The following CDH8 variants were observed in gnomAD, a reference collection of about 807,000 sequenced individuals.
CDH8 encodes cadherin 8.
Under a neutral mutation model 68.1 loss-of-function variants are expected in CDH8, and 17 were observed. The observed-to-expected ratio is 0.25, with a 90% CI of 0.17 to 0.37. The LOEUF (loss-of-function observed/expected upper bound fraction) is 0.37, where lower values mean the gene tolerates loss of function less well. CDH8 is among the 10% of genes least tolerant of loss of function. The pLI, the probability that CDH8 is intolerant of heterozygous loss-of-function variation, is 1.00. For missense variants in CDH8, 763 were observed against 999.3 expected (o/e 0.76, Z 3.19); for synonymous variants, 372 against 365.1 (o/e 1.02, Z -0.21).
chr16:61,710,089 G>T (rs188928183), intron 10 of CDH8, among the ~76,000 whole-genome samples: 1 of 152,224 alleles, frequency 6.6e-6, no homozygotes, highest in Admixed American at 6.5e-5. Context: ...AAGGGACCTC[G>T]TCCCACTTAT....
At chr16:61,887,778 T>C (rs1963702212) in intron 3 of CDH8, among the ~76,000 whole-genome samples, 1 of 152,140 alleles carries the variant, frequency 6.6e-6, no homozygotes, top group African/African-American at 2.4e-5. Context: ...CATTTTTTAC[T>C]GTAAAAAATG....
intron 2 of CDH8, among the ~76,000 whole-genome samples, chr16:61,917,101 G>A (rs961468997): frequency 7.2e-6 from 1 of 139,568 alleles, no homozygotes; most frequent in Non-Finnish European, 1.5e-5. Flanking sequence ...GTGTGTGTGT[G>A]TGTGTATGAT....
chr16:61,681,697 C>A (rs556861097), intron 10 of CDH8, among the ~76,000 whole-genome samples: 1 of 151,890 alleles, frequency 6.6e-6, no homozygotes, highest in South Asian at 2.1e-4. Flanking sequence ...AAAAATCTTA[C>A]TTAAAATTTT....
intron 9 of CDH8, chr16:61,726,507 T>C (rs1567442138): frequency 6.6e-6 from 1 of 150,564 alleles, no homozygotes; most frequent in Non-Finnish European, 1.5e-5. Flanking sequence ...CTCACTTTCT[T>C]TATGTTTCTT....
intron 10 of CDH8, among the ~76,000 whole-genome samples, chr16:61,657,899 G>A (rs1289422302): frequency 1.3e-5 from 2 of 152,032 alleles, no homozygotes; most frequent in African/African-American, 4.8e-5. Flanking sequence ...GCATTGGTGG[G>A]TCTAACACTA....
chr16:61,953,268 T>A (rs769604117), intron 2 of CDH8, among the ~76,000 whole-genome samples: 2 of 152,180 alleles, frequency 1.3e-5, no homozygotes, highest in African/African-American at 4.8e-5. Flanking sequence ...GAGAACTATA[T>A]AAATTAATAC....
At position 61,662,462 on chromosome 16, in the gene CDH8, A is replaced by G. The variant is rs376102294; in HGVS notation, c.1655-6741T>C. Among the ~76,000 whole-genome samples, 5 of 151,892 alleles carry G rather than the reference A, an allele frequency of 3.3e-5. No homozygotes were observed. In the East Asian group the frequency reaches 9.7e-4, roughly 30 times the overall value. The stretch of plus-strand genomic sequence containing the variant: ...AAAAAAGAGAGGAAATGATCACTGA[A>G]TCCATAGTTACATACTACATTATTT... On this transcript the variant is annotated intron_variant, in intron 10 of 11. Coordinates refer to ENST00000577390, the MANE Select transcript of CDH8 (RefSeq NM_001796.5).
At chr16:61,969,673 G>A (rs1057473843) in intron 2 of CDH8, among the ~76,000 whole-genome samples, 4 of 152,122 alleles carry the variant, frequency 2.6e-5, no homozygotes, top group South Asian at 2.1e-4. Context: ...CTGGACAACC[G>A]GTGGAATAAG....
At chr16:61,900,512 T>C (rs1056174576) in intron 3 of CDH8, among the ~76,000 whole-genome samples, 1 of 152,170 alleles carries the variant, frequency 6.6e-6, no homozygotes, top group South Asian at 2.1e-4. Flanking sequence ...GGTTTAGGGA[T>C]AGATAAGCAG....
chr16:61,824,782 T>C (rs1962291795), intron 5 of CDH8, among the ~76,000 whole-genome samples: 1 of 151,914 alleles, frequency 6.6e-6, no homozygotes, highest in Admixed American at 6.6e-5. Context: ...CAGTCAGACA[T>C]ACTGGTTCTA....
At chr16:61,971,973 A>T (rs1965347749) in intron 2 of CDH8, among the ~76,000 whole-genome samples, 1 of 152,242 alleles carries the variant, frequency 6.6e-6, no homozygotes, top group Non-Finnish European at 1.5e-5. Flanking sequence ...GTAAGAAAAA[A>T]ATAAACAAAA....
chr16:61,831,060 G>C (rs1962444125), intron 4 of CDH8, among the ~76,000 whole-genome samples: 1 of 151,710 alleles, frequency 6.6e-6, no homozygotes, highest in Non-Finnish European at 1.5e-5. Flanking sequence ...ATTTTGAGAA[G>C]GAAAAATCAC....
intron 8 of CDH8, among the ~76,000 whole-genome samples, chr16:61,739,469 A>G (rs1434236142): frequency 6.6e-6 from 1 of 152,068 alleles, no homozygotes; most frequent in East Asian, 1.9e-4. Flanking sequence ...TCAGATCAAA[A>G]TGAAGATTTT....
At chr16:61,864,511 T>C (rs981900044) in intron 3 of CDH8, among the ~76,000 whole-genome samples, 2 of 152,186 alleles carry the variant, frequency 1.3e-5, no homozygotes, top group East Asian at 1.9e-4. Context: ...TCAACATTCA[T>C]TTCTCTTGAA....
chr16:61,745,985 T>A (rs1960011337), intron 8 of CDH8, among the ~76,000 whole-genome samples: 1 of 152,096 alleles, frequency 6.6e-6, no homozygotes. Context: ...ATAGATCAAT[T>A]TGATACCACT....
At chr16:61,923,507 C>T (rs1964407550) in intron 2 of CDH8, among the ~76,000 whole-genome samples, 2 of 151,876 alleles carry the variant, frequency 1.3e-5, no homozygotes, top group East Asian at 3.9e-4. Context: ...AGTGTATGAC[C>T]ACAGGAAAGT....
intron 9 of CDH8, chr16:61,726,326 C>T (rs1179228727): frequency 6.6e-6 from 1 of 150,936 alleles, no homozygotes; most frequent in Non-Finnish European, 1.5e-5. Flanking sequence ...GAACTTTACA[C>T]AGGCTATTTC....
chr16:61,960,321 GTGTGTGTGTATACACACATATA>G (rs1567546507), intron 2 of CDH8, among the ~76,000 whole-genome samples: 3 of 46,648 alleles, frequency 6.4e-5, no homozygotes, highest in Non-Finnish European at 1.1e-4. Context: ...ACATATATAC[GTGTGTGTGTATACACACATATA>G]TACATGTGTG....
At chr16:61,669,600 C>T (rs1963751006) in intron 10 of CDH8, among the ~76,000 whole-genome samples, 2 of 152,020 alleles carry the variant, frequency 1.3e-5, no homozygotes, top group Non-Finnish European at 2.9e-5. Context: ...AAGGAGAAAA[C>T]AGACTCTAAC....
Sources: allele counts gnomAD v4.1 joint callset (sites outside exome capture counted in the v4.1 genomes callset), GRCh38; gene constraint gnomAD v4.1.1; transcripts MANE v1.5; gene names NCBI Gene and HGNC (gene_info 2026-07-23, HGNC 2026-07-21).